DDAH1: variants seen among roughly 807,000 people sequenced by gnomAD.
DDAH1 encodes the protein N(G),N(G)-dimethylarginine dimethylaminohydrolase 1.
Under a neutral mutation model 28.8 loss-of-function variants are expected in DDAH1, and 19 were observed. The observed-to-expected ratio is 0.66, with a 90% CI of 0.46 to 0.97. DDAH1 has a LOEUF of 0.97. Ranked by LOEUF, DDAH1 falls within the 50% of genes least tolerant of loss-of-function variation. The pLI is 0.00. For missense variants in DDAH1, 326 were observed against 375.9 expected (o/e 0.87, Z 1.10); for synonymous variants, 153 against 154.4 (o/e 0.99, Z 0.07).
intron 5 of DDAH1, among the ~76,000 whole-genome samples, chr1:85,323,085 A>G (rs1179364194): frequency 4.6e-5 from 7 of 152,232 alleles, no homozygotes; most frequent in Non-Finnish European, 7.3e-5. Context: ...ACTTTCAGCC[A>G]TGGAAATAGA....
chr1:85,562,463 C>A (rs1249887494), intron 1 of DDAH1, among the ~76,000 whole-genome samples: 1 of 152,078 alleles, frequency 6.6e-6, no homozygotes, highest in African/African-American at 2.4e-5. Context: ...ATCCTAAGGC[C>A]TAGTACCTGA....
intron 1 of DDAH1, among the ~76,000 whole-genome samples, chr1:85,577,084 T>A (rs1004417089): frequency 3.3e-5 from 5 of 151,864 alleles, no homozygotes; most frequent in Non-Finnish European, 7.4e-5. Context: ...ACCTCGATTC[T>A]TGGCAACCGC....
Position 85,319,790 on chromosome 1 carries a change from C to T in DDAH1, c.*1662G>A, listed in dbSNP as rs983667142. Reference sequence around the variant, plus strand: ...GAGAAGGAGGAGAAAAAAACTTTTGCAAATTTCTGACATAAAATAATCAAA... The same window carrying T: ...GAGAAGGAGGAGAAAAAAACTTTTGTAAATTTCTGACATAAAATAATCAAA... On this transcript the variant is annotated 3_prime_UTR_variant, in exon 6 of 6. Coordinates refer to ENST00000284031, the MANE Select transcript of DDAH1 (RefSeq NM_012137.4). 9.9e-5 allele frequency: 15 copies of T among 152,212 alleles called. No individual in the cohort carries two copies. Among genetic ancestry groups the T allele is most frequent in the African/African-American group, 3.6e-4 (15 of 41,524 alleles). 9.4% of individuals were successfully genotyped at this position (152,212 alleles called of 1,614,324 possible). A position where few individuals can be genotyped will look rare whatever the true frequency, so the allele number is the denominator to read the frequency against.
Position 85,464,447 on chromosome 1 carries a change from A to G in DDAH1, c.303+296T>C. On this transcript the variant is annotated intron_variant, in intron 1 of 5. Coordinates refer to ENST00000284031, the MANE Select transcript of DDAH1 (RefSeq NM_012137.4). This position sits in a 1 kb window ranked among gnomAD's most constrained non-coding sequence, Gnocchi z 4.4. The stretch of plus-strand genomic sequence containing the variant: ...GTTGCACTGTCGTCGCTGCCGTTTA[A>G]TTTTCACAAATAAAAATGCCCGTGA... The G allele has an allele frequency of 6.8e-7, 1 of 1,476,638 alleles. No homozygotes were observed. Among genetic ancestry groups the G allele is most frequent in the African/African-American group, 1.4e-5 (1 of 71,586 alleles). The allele number at this position is 1,476,638 out of a possible 1,614,324, so 91.5% of individuals were successfully genotyped here.
chr1:85,386,399 C>A (rs1435745671), intron 1 of DDAH1, among the ~76,000 whole-genome samples: 1 of 152,218 alleles, frequency 6.6e-6, no homozygotes, highest in Non-Finnish European at 1.5e-5. Context: ...AATGGGGTAA[C>A]AAGCCCCATG....
intron 1 of DDAH1, chr1:85,496,351 A>T (rs2100734089): frequency 3.8e-6 from 1 of 260,844 alleles, no homozygotes; most frequent in Admixed American, 6.5e-5. Context: ...TATTTCTGTG[A>T]TGAAATAGTC....
chr1:85,397,869 C>T (rs1478531406), intron 1 of DDAH1, among the ~76,000 whole-genome samples: 1 of 152,276 alleles, frequency 6.6e-6, no homozygotes, highest in East Asian at 1.9e-4. Flanking sequence ...CTATGTGACT[C>T]TACTGACTCC....
chr1:85,465,118 C>A lies in DDAH1; in HGVS notation c.-73G>T. 2 of 1,178,332 alleles carry A rather than the reference C, an allele frequency of 1.7e-6. No homozygotes were observed. Among genetic ancestry groups the A allele is most frequent in the Non-Finnish European group, 2.1e-6 (2 of 954,534 alleles). 73.0% of individuals were successfully genotyped at this position (1,178,332 alleles called of 1,614,324 possible). On this transcript the variant is annotated 5_prime_UTR_variant, in exon 1 of 6. Coordinates refer to ENST00000284031, the MANE Select transcript of DDAH1 (RefSeq NM_012137.4). Reference sequence around the variant, plus strand: ...CCTGCCGCGGGCAGCGCGCGCTGAGCCTGCGAGCGCCCGTCGGCTCCTCTT... The same window carrying A: ...CCTGCCGCGGGCAGCGCGCGCTGAGACTGCGAGCGCCCGTCGGCTCCTCTT...
chr1:85,472,745 G>T (rs192550055), intron 2 of DDAH1, among the ~76,000 whole-genome samples: 1 of 152,058 alleles, frequency 6.6e-6, no homozygotes, highest in Non-Finnish European at 1.5e-5. Flanking sequence ...TAGATTCAGC[G>T]GGTACATGTG....
intron 4 of DDAH1, among the ~76,000 whole-genome samples, chr1:85,333,727 A>T (rs1351906315): frequency 6.6e-6 from 1 of 151,370 alleles, no homozygotes; most frequent in Non-Finnish European, 1.5e-5. Flanking sequence ...TAAATCAAGA[A>T]GAATTTCAGA....
intron 1 of DDAH1, among the ~76,000 whole-genome samples, chr1:85,526,654 G>T (rs1421349950): frequency 6.7e-6 from 1 of 148,696 alleles, no homozygotes; most frequent in African/African-American, 2.5e-5. Context: ...TTGGGAAGAA[G>T]GGGGTAAAGA....
chr1:85,578,107 G>A (rs1570691732), exon 1 of DDAH1: 30 of 606,858 alleles, frequency 4.9e-5, no homozygotes, highest in Non-Finnish European at 6.2e-5. Context: ...CAGGACTTGA[G>A]GAGCCGCTGT....
At chr1:85,433,118 A>T (rs1217437252) in intron 1 of DDAH1, among the ~76,000 whole-genome samples, 2 of 152,110 alleles carry the variant, frequency 1.3e-5, no homozygotes, top group Non-Finnish European at 2.9e-5. Context: ...ACATACATAC[A>T]TATATAATTT....
chr1:85,506,008 G>C (rs146141375), intron 1 of DDAH1, among the ~76,000 whole-genome samples: 1,785 of 152,282 alleles, frequency 0.012, 17 homozygotes, highest in South Asian at 0.022. Flanking sequence ...AGCAGCTCAG[G>C]GGAGACAAAG....
chr1:85,382,273 G>C (rs1281692450), intron 1 of DDAH1, among the ~76,000 whole-genome samples: 1 of 152,174 alleles, frequency 6.6e-6, no homozygotes, highest in Non-Finnish European at 1.5e-5. Flanking sequence ...TAGTGGTCTG[G>C]ATGGAAGATC....
intron 4 of DDAH1, among the ~76,000 whole-genome samples, chr1:85,345,333 TA>T (rs550866080): frequency 1.7e-4 from 6 of 34,286 alleles, no homozygotes; most frequent in African/African-American, 2.7e-4. Flanking sequence ...TGTCTTACAT[TA>T]TTTTTTTTTT....
chr1:85,381,980 T>C (rs1053504759), intron 1 of DDAH1, among the ~76,000 whole-genome samples: 12 of 152,312 alleles, frequency 7.9e-5, no homozygotes, highest in African/African-American at 2.9e-4. Context: ...CATAGCAATA[T>C]TGAAATTAGG....
At chr1:85,403,536 A>G (rs1314278476) in intron 1 of DDAH1, among the ~76,000 whole-genome samples, 1 of 152,168 alleles carries the variant, frequency 6.6e-6, no homozygotes, top group Admixed American at 6.6e-5. Flanking sequence ...AAAATAGTCT[A>G]AAGTCAGAAA....
chr1:85,506,550 C>A (rs753529688), intron 1 of DDAH1, among the ~76,000 whole-genome samples: 20 of 152,210 alleles, frequency 1.3e-4, no homozygotes, highest in Non-Finnish European at 2.5e-4. Flanking sequence ...GCTCCTGATC[C>A]CCAGTCCACC....
Sources: allele counts gnomAD v4.1 joint callset (sites outside exome capture counted in the v4.1 genomes callset), GRCh38; gene constraint gnomAD v4.1.1; non-coding constraint Gnocchi (gnomAD v3.1); transcripts MANE v1.5; gene names NCBI Gene and HGNC (gene_info 2026-07-23, HGNC 2026-07-21).